CYTH1: variants seen among roughly 807,000 people sequenced by gnomAD.
CYTH1 encodes cytohesin 1.
CYTH1 carries 18 observed loss-of-function variants against 61.8 expected under a neutral mutation model. That is an observed-to-expected ratio of 0.29 (90% CI 0.20 to 0.43). CYTH1 has a LOEUF of 0.43. Among genes scored for constraint, CYTH1 ranks in the 20% least tolerant of loss-of-function variants. The pLI is 1.00. For synonymous variants in CYTH1, 174 were observed against 184.3 expected (o/e 0.94, Z 0.45); for missense variants, 336 against 510.5 (o/e 0.66, Z 3.29).
At chr17:78,694,208 C>T (rs2092916286) in intron 10 of CYTH1, among the ~76,000 whole-genome samples, 2 of 152,190 alleles carry the variant, frequency 1.3e-5, no homozygotes, top group South Asian at 2.1e-4. Flanking sequence ...GGATGCTGAA[C>T]CCTAGGCGGG....
Position 78,700,513 on chromosome 17 carries a change from G to A in CYTH1, c.438-70C>T. On this transcript the variant is annotated intron_variant, in intron 6 of 13. Coordinates refer to ENST00000446868, the MANE Select transcript of CYTH1 (RefSeq NM_004762.6). The surrounding 1 kb of genome is among the most constrained non-coding windows in gnomAD (Gnocchi z 5.1). ...TTATTTCTCTATGAATTGTTAAACT[G>A]CCAATGATTTTTTTTTTCTTTTTTT... is the stretch of plus-strand genomic sequence containing the variant. 4 of 1,233,160 alleles carry A rather than the reference G, an allele frequency of 3.2e-6. No homozygotes were observed. The highest frequency in any genetic ancestry group is 4.5e-6 in the Non-Finnish European group (4 of 889,168). 76.4% of individuals were successfully genotyped at this position (1,233,160 alleles called of 1,614,324 possible).
rs373960538 is a variant in CYTH1 at position 78,726,315 on chromosome 17, T to TA, written c.23-16584dup. Among the ~76,000 whole-genome samples, 675 of 152,204 alleles carry TA rather than the reference T, an allele frequency of 4.4e-3. 3 individuals are homozygous for TA. Among genetic ancestry groups the TA allele is most frequent in the African/African-American group, 0.015 (628 of 41,532 alleles). On this transcript the variant is annotated intron_variant, in intron 1 of 13. Transcript: ENST00000446868. ...CCTCAGCCTCCCAAAGTGCTAGGATTACAGGCGTGAGCCACCGCGCCCGGC... is the reference window on the plus strand; with the variant it reads ...CCTCAGCCTCCCAAAGTGCTAGGATTAACAGGCGTGAGCCACCGCGCCCGGC...
chr17:78,739,966 C>T (rs1010631258), intron 1 of CYTH1, among the ~76,000 whole-genome samples: 13 of 151,886 alleles, frequency 8.6e-5, no homozygotes, highest in African/African-American at 2.7e-4. Context: ...GACTGAGTCT[C>T]GCTCTGTTGC....
At chr17:78,710,976 A>C (rs1188684766) in intron 1 of CYTH1, among the ~76,000 whole-genome samples, 1 of 151,916 alleles carries the variant, frequency 6.6e-6, no homozygotes, top group African/African-American at 2.4e-5. Context: ...AAAAATATAC[A>C]CCGAGGCCGG....
At chr17:78,686,130 G>A (rs1007432522) in intron 11 of CYTH1, among the ~76,000 whole-genome samples, 7 of 152,118 alleles carry the variant, frequency 4.6e-5, no homozygotes, top group African/African-American at 1.7e-4. Flanking sequence ...ATCGTCTTCT[G>A]TTCTCTGCAT....
rs1444974209 is a variant in CYTH1 at position 78,700,400 on chromosome 17, T to C, written c.481A>G (p.Ile161Val). The change falls in exon 7 of 14, where the codon ATC becomes GTC. Residue 161 changes from isoleucine (I) to valine (V), a missense_variant. Physicochemically the swap from Ile to Val is conservative, Grantham distance 29. This residue lies in a region of CYTH1 where 125 missense variants were observed against 209.9 expected (regional missense o/e 0.60). Coordinates refer to ENST00000446868, the MANE Select transcript of CYTH1 (RefSeq NM_004762.6). The surrounding 1 kb of genome is among the most constrained non-coding windows in gnomAD (Gnocchi z 5.1). ...GCAAACGCCTCCATCATCCGGTCGA[T>C]CTTCTGGGCCTCTCCGGGTAGCCGG... is the stretch of plus-strand genomic sequence containing the variant. Reference protein sequence around the residue: ...SFRLPGEAQKIDRMMEAFAQR... With the variant: ...SFRLPGEAQKVDRMMEAFAQR... 1.2e-6 allele frequency: 2 copies of C among 1,613,732 alleles called. No homozygotes were observed.
rs545101446 is a variant in CYTH1 at position 78,723,280 on chromosome 17, C to T, written c.23-13548G>A. 5.9e-5 allele frequency: 9 copies of T among 153,100 alleles called. No homozygotes were observed. The East Asian group carries it at 1.3e-3, about 23-fold the overall frequency. 9.5% of individuals were successfully genotyped at this position (153,100 alleles called of 1,614,324 possible). On this transcript the variant is annotated intron_variant, in intron 1 of 13. Transcript: ENST00000446868. ...GCCCTGGGCAGCAACATCAAAGCCT[C>T]GGCAGGTCACAGCTCTCCACGTCAG...
chr17:78,679,078 T>C (rs1328559126), intron 13 of CYTH1, among the ~76,000 whole-genome samples: 1 of 152,238 alleles, frequency 6.6e-6, no homozygotes, highest in Non-Finnish European at 1.5e-5. Context: ...GGCCAAAACC[T>C]ACACTGGTCT....
chr17:78,774,690 C>G (rs1270033533), intron 1 of CYTH1, among the ~76,000 whole-genome samples: 1 of 152,052 alleles, frequency 6.6e-6, no homozygotes, highest in Admixed American at 6.5e-5. Flanking sequence ...ATGCCAGTGC[C>G]CAGACCTTAT....
rs1166031357 is a variant in CYTH1, at chr17:78,760,496, T to TAC, written c.22+21704_22+21705dup. ...GTATATATATGTATGTATATATATA[T>TAC]ACATATATATGTATATATATGTATA... is the stretch of plus-strand genomic sequence containing the variant. On this transcript the variant is annotated intron_variant, in intron 1 of 13. Transcript: ENST00000446868. Among the ~76,000 whole-genome samples, 4 of 50,638 alleles carry TAC rather than the reference T, an allele frequency of 7.9e-5. 1 individual carries two copies. The highest frequency in any genetic ancestry group is 5.7e-4 in the East Asian group (1 of 1,748). 33.2% of individuals were successfully genotyped at this position (50,638 alleles called of 152,430 possible).
chr17:78,750,149 T>C (rs2093374317), intron 1 of CYTH1, among the ~76,000 whole-genome samples: 1 of 152,168 alleles, frequency 6.6e-6, no homozygotes, highest in African/African-American at 2.4e-5. Context: ...TGGCCTCCAC[T>C]AGCACATCAG....
intron 1 of CYTH1, among the ~76,000 whole-genome samples, chr17:78,760,380 TATATACACACACATAC>T (rs1241915147): frequency 3.6e-5 from 2 of 55,108 alleles, no homozygotes; most frequent in East Asian, 1.1e-3. Context: ...TATATATATA[TATATACACACACATAC>T]ATATATATAT....
intron 1 of CYTH1, among the ~76,000 whole-genome samples, chr17:78,775,844 TA>T (rs2093488796): frequency 6.6e-6 from 1 of 152,220 alleles, no homozygotes; most frequent in African/African-American, 2.4e-5. Context: ...ACTTTCATTT[TA>T]AATGTTTATA....
At chr17:78,770,360 A>G (rs536318722) in intron 1 of CYTH1, among the ~76,000 whole-genome samples, 76 of 151,146 alleles carry the variant, frequency 5.0e-4, no homozygotes, top group Middle Eastern at 3.5e-3. Context: ...GAAAAGAAAA[A>G]AAAAAAAACA....
intron 11 of CYTH1, chr17:78,691,195 C>T (rs907293424): frequency 6.6e-6 from 1 of 152,218 alleles, no homozygotes; most frequent in African/African-American, 2.4e-5. Flanking sequence ...TATGAAATCC[C>T]GGCCAGAATT....
intron 1 of CYTH1, 44 bp downstream of exon 1, chr17:78,782,157 TG>T: frequency 5.2e-6 from 7 of 1,336,188 alleles, no homozygotes; most frequent in Non-Finnish European, 5.8e-6. Flanking sequence ...CGGAGGGGAC[TG>T]GGGGACAGCG....
At chr17:78,763,476 G>A (rs945812551) in intron 1 of CYTH1, among the ~76,000 whole-genome samples, 7 of 152,078 alleles carry the variant, frequency 4.6e-5, no homozygotes, top group Admixed American at 6.6e-5. Context: ...GACCCCCCAC[G>A]GATGCCTAGA....
At chr17:78,770,276 T>A (rs2093465420) in intron 1 of CYTH1, among the ~76,000 whole-genome samples, 1 of 147,460 alleles carries the variant, frequency 6.8e-6, no homozygotes, top group Non-Finnish European at 1.5e-5. Context: ...TGAGTCGAAA[T>A]TGTGCCACTG....
chr17:78,684,093 A>T (rs984394098), intron 11 of CYTH1, among the ~76,000 whole-genome samples: 1 of 152,114 alleles, frequency 6.6e-6, no homozygotes, highest in African/African-American at 2.4e-5. Context: ...GGGAGTGGGG[A>T]CCAGGTTATA....
Sources: allele counts gnomAD v4.1 joint callset (sites outside exome capture counted in the v4.1 genomes callset), GRCh38; gene constraint gnomAD v4.1.1; regional missense constraint gnomAD v4.1.1; non-coding constraint Gnocchi (gnomAD v3.1); transcripts MANE v1.5; gene names NCBI Gene and HGNC (gene_info 2026-07-23, HGNC 2026-07-21).